Variants in INSC observed in about 807,000 individuals in gnomAD.
INSC encodes INSC spindle orientation adaptor protein, also known as protein inscuteable homolog.
Under a neutral mutation model 58.6 loss-of-function variants are expected in INSC, and 67 were observed. The observed-to-expected ratio is 1.14, with a 90% CI of 0.94 to 1.40. INSC has a LOEUF of 1.40. INSC is among the 40% of genes most tolerant of loss of function. INSC has a pLI of 0.00. For missense variants in INSC, 714 were observed against 692.0 expected (o/e 1.03, Z -0.36); for synonymous variants, 262 against 276.1 (o/e 0.95, Z 0.51).
chr11:15,236,733 C>CTA (rs1590010484), intron 10 of INSC, among the ~76,000 whole-genome samples: 1 of 152,344 alleles, frequency 6.6e-6, no homozygotes, highest in Admixed American at 6.5e-5. Context: ...ACCAGAGACG[C>CTA]TAATGAGGCG....
At chr11:15,133,080 C>T (rs73414685) in intron 1 of INSC, among the ~76,000 whole-genome samples, 3,295 of 152,260 alleles carry the variant, frequency 0.022, 97 homozygotes, top group African/African-American at 0.068. Context: ...GCCACTGATT[C>T]TTTGAATATC....
intron 1 of INSC, among the ~76,000 whole-genome samples, chr11:15,138,805 GT>G (rs746424180): frequency 4.6e-5 from 7 of 152,096 alleles, no homozygotes; most frequent in Admixed American, 2.6e-4. Context: ...CTGAGGATAG[GT>G]TTTTTTCCCA....
intron 1 of INSC, among the ~76,000 whole-genome samples, chr11:15,131,945 C>T (rs1005831872): frequency 7.9e-5 from 12 of 152,118 alleles, no homozygotes; most frequent in Non-Finnish European, 1.8e-4. Flanking sequence ...TAGCTCATTT[C>T]CCCTTAATGT....
intron 5 of INSC, chr11:15,184,521 A>C (rs909323352): frequency 1.3e-5 from 2 of 154,900 alleles, no homozygotes; most frequent in Non-Finnish European, 2.9e-5. Flanking sequence ...TCAGCCTCCC[A>C]GGTAGCTGGG....
Position 15,175,793 on chromosome 11 carries a change from C to G in INSC, c.109C>G (p.Leu37Val), listed in dbSNP as rs894088370. 8 of 1,602,016 alleles carry G rather than the reference C, an allele frequency of 5.0e-6. No individual in the cohort carries two copies. In the African/African-American group the frequency reaches 1.1e-4, roughly 21 times the overall value. The part of the protein sequence containing the change: ...SVQRWMEDLK[L>V]MTECECMCVL... ...CCAGCGCTGGATGGAAGATCTGAAG[C>G]TCATGACCGAGTGCGAGTGCATGTG... The change falls in exon 3 of 13, where the codon CTC (leucine) becomes GTC (valine). Residue 37 changes from leucine to valine, a missense_variant. By Grantham distance (32) the Leu-to-Val change is conservative. Transcript: ENST00000379556.
chr11:15,229,785 A>G (rs1851775119), intron 9 of INSC, among the ~76,000 whole-genome samples: 1 of 150,324 alleles, frequency 6.7e-6, no homozygotes. Flanking sequence ...ACATTGCTGT[A>G]AAGAAATGCC....
At position 15,246,719 on chromosome 11, in the gene INSC, A is replaced by C. The variant is rs1447619004; in HGVS notation, c.*679A>C. 1 of 152,270 alleles carries C rather than the reference A, an allele frequency of 6.6e-6. No homozygotes were observed. The highest frequency in any genetic ancestry group is 1.5e-5 in the Non-Finnish European group (1 of 68,032). 9.4% of individuals were successfully genotyped at this position (152,270 alleles called of 1,614,324 possible). ...TCAAAAATACACCCAAAGGCACCAG[A>C]AACCCTGCTTCCTTTGGCTTCTTTG... On this transcript the variant is annotated 3_prime_UTR_variant, in exon 13 of 13. Transcript: ENST00000379556.
chr11:15,113,119 C>CT (rs1554899333), upstream of INSC, among the ~76,000 whole-genome samples: 1 of 73,264 alleles, frequency 1.4e-5, no homozygotes, highest in Non-Finnish European at 3.1e-5. Flanking sequence ...TTCTCTCTCT[C>CT]TCTTTCTTTC....
chr11:15,246,419 TA>T lies in INSC; in HGVS notation c.*381del, dbSNP rs1728091983. ...TCAACTGCCTAGCAAGTTTTTTTTT[TA>T]AGTTGGATTTGCTCTTCCCAAAAAT... is the stretch of plus-strand genomic sequence containing the variant. On this transcript the variant is annotated 3_prime_UTR_variant, in exon 13 of 13. Coordinates refer to ENST00000379556, the MANE Select transcript of INSC (RefSeq NM_001042536.3). 6.5e-6 allele frequency: 1 copy of T among 154,704 alleles called. No homozygotes were observed. The highest frequency in any genetic ancestry group is 1.4e-5 in the Non-Finnish European group (1 of 69,500). The allele number at this position is 154,704 out of a possible 1,614,324, so 9.6% of individuals were successfully genotyped here. A position where few individuals can be genotyped will look rare whatever the true frequency, so the allele number is the denominator to read the frequency against.
intron 7 of INSC, among the ~76,000 whole-genome samples, chr11:15,210,023 C>A (rs1211200424): frequency 6.6e-6 from 1 of 152,224 alleles, no homozygotes; most frequent in African/African-American, 2.4e-5. Flanking sequence ...TGGCCCTAAG[C>A]CCAAGTTCTT....
chr11:15,251,986 T>C (rs1365614696), downstream of INSC, among the ~76,000 whole-genome samples: 1 of 152,150 alleles, frequency 6.6e-6, no homozygotes, highest in East Asian at 1.9e-4. Context: ...AACTCAAATG[T>C]CTATTAGCTG....
intron 2 of INSC, among the ~76,000 whole-genome samples, chr11:15,173,460 A>G (rs1849470031): frequency 6.6e-6 from 1 of 152,202 alleles, no homozygotes. Context: ...AAGATGCAGA[A>G]GATTAGAAGT....
intron 5 of INSC, among the ~76,000 whole-genome samples, chr11:15,182,378 TGTCTATA>T (rs916604898): frequency 3.3e-5 from 5 of 152,186 alleles, no homozygotes; most frequent in African/African-American, 1.2e-4. Flanking sequence ...TTATTTCAGT[TGTCTATA>T]GTCTATAAAG....
intron 2 of INSC, among the ~76,000 whole-genome samples, chr11:15,150,806 CA>C (rs1396191450): frequency 6.6e-6 from 1 of 152,154 alleles, no homozygotes; most frequent in Admixed American, 6.5e-5. Context: ...AGCAAAAGAA[CA>C]AAACTCTACT....
chr11:15,124,626 A>C (rs1428908518), intron 1 of INSC, among the ~76,000 whole-genome samples: 1 of 152,126 alleles, frequency 6.6e-6, no homozygotes, highest in Non-Finnish European at 1.5e-5. Context: ...GTAGGATTTT[A>C]AAATGTGGCA....
Position 15,206,287 on chromosome 11 carries a change from A to C in INSC, c.819+5338A>C, listed in dbSNP as rs1025992849. ...GGGGTTGCCGGTGTAGGCAGCACCAAAGAGGCAATGAAGCTGGGCCCAGAA... is the reference window on the plus strand; with the variant it reads ...GGGGTTGCCGGTGTAGGCAGCACCACAGAGGCAATGAAGCTGGGCCCAGAA... On this transcript the variant is annotated intron_variant, in intron 7 of 12. Coordinates refer to ENST00000379556, the MANE Select transcript of INSC (RefSeq NM_001042536.3). Among the ~76,000 whole-genome samples the C allele has an allele frequency of 3.3e-5, 5 of 152,132 alleles. No homozygotes were observed. The South Asian group carries it at 1.0e-3, about 32-fold the overall frequency.
At position 15,239,047 on chromosome 11, in the gene INSC, G is replaced by C; in HGVS notation, c.1366G>C (p.Val456Leu). ...GGCTCGTCTCAGCCGAGACCCAGAT[G>C]TGGCACGGGAGGCCGTGCGGCTCAG... ...TLARLSRDPD[V>L]AREAVRLSCM... The change falls in exon 11 of 13, where the codon GTG becomes CTG. Residue 456 changes from valine to leucine, a missense_variant. Coordinates refer to ENST00000379556, the MANE Select transcript of INSC (RefSeq NM_001042536.3). 6.2e-7 allele frequency: 1 copy of C among 1,613,936 alleles called. No individual in the cohort carries two copies. The highest frequency in any genetic ancestry group is 8.5e-7 in the Non-Finnish European group (1 of 1,179,952).
chr11:15,116,122 G>A (rs1188160153), intron 1 of INSC, among the ~76,000 whole-genome samples: 1 of 152,156 alleles, frequency 6.6e-6, no homozygotes, highest in Admixed American at 6.5e-5. Context: ...TGTCCCTTTA[G>A]CTCTGGGACT....
At chr11:15,165,985 C>T (rs1398126577) in intron 2 of INSC, among the ~76,000 whole-genome samples, 1 of 152,132 alleles carries the variant, frequency 6.6e-6, no homozygotes, top group Non-Finnish European at 1.5e-5. Context: ...TTTCTTATGT[C>T]TGTCTCTTCT....
Sources: gnomAD v4.1 joint callset for allele counts (sites outside exome capture counted in the v4.1 genomes callset) on GRCh38, gnomAD v4.1.1 for gene constraint, MANE v1.5 for transcripts, NCBI Gene and HGNC (gene_info 2026-07-23, HGNC 2026-07-21) for gene names.